The following FAM98A variants were observed in gnomAD, a reference collection of about 807,000 sequenced individuals.
FAM98A encodes the protein protein FAM98A.
In FAM98A, 25 loss-of-function variants were observed where a neutral mutation model predicts 62.9. The observed-to-expected ratio is 0.40, with a 90% CI of 0.29 to 0.56. FAM98A has a LOEUF of 0.56. Ranked by LOEUF, FAM98A falls within the 20% of genes least tolerant of loss-of-function variation. FAM98A has a pLI of 0.51. For missense variants in FAM98A, 653 were observed against 640.7 expected, an observed-to-expected ratio of 1.02 and a Z score of -0.21; for synonymous variants, 252 against 228.6, an observed-to-expected ratio of 1.10 and a Z score of -0.92.
At chr2:33,593,152 C>T (rs1442619451) in intron 2 of FAM98A, among the ~76,000 whole-genome samples, 1 of 152,178 alleles carries the variant, frequency 6.6e-6, no homozygotes, top group Admixed American at 6.5e-5. Context: ...GCCTGTAATT[C>T]CAGCACTTTG....
At chr2:33,589,324 C>T (rs1483097931) in intron 3 of FAM98A, 1 of 152,172 alleles carries the variant, frequency 6.6e-6, no homozygotes, top group Non-Finnish European at 1.5e-5. Context: ...TATTCAATCT[C>T]ATTCCTTTAA....
Position 33,584,944 on chromosome 2 carries a change from C to A in FAM98A, c.1389G>T (p.Gly463=), listed in dbSNP as rs1403653968. ...HHGDRGGGRG[G]RGGRGGRGGR... ...CACCTCGGCCTCCACGACCACCTCG[C>A]CCACCACGACCACCACCACGATCAC... The change falls in exon 8 of 8, where the codon GGG becomes GGT. Residue 463 remains glycine, a synonymous_variant. Transcript: ENST00000238823. 1.2e-6 allele frequency: 2 copies of A among 1,613,680 alleles called. No individual in the cohort carries two copies. Among genetic ancestry groups the A allele is most frequent in the East Asian group, 2.2e-5 (1 of 44,868 alleles).
At chr2:33,585,863 C>G (rs553586327) in intron 6 of FAM98A, among the ~76,000 whole-genome samples, 166 bp from the exon 7 acceptor site, 1 of 152,250 alleles carries the variant, frequency 6.6e-6, no homozygotes, top group East Asian at 1.9e-4. Context: ...TAGTCAAGAA[C>G]TACCTTAAAA....
intron 3 of FAM98A, 128 bp downstream of exon 3, chr2:33,591,952 T>C (rs1447385775): frequency 1.1e-6 from 1 of 912,842 alleles, no homozygotes; most frequent in Non-Finnish European, 1.6e-6. Context: ...TTAAGAAAGT[T>C]TTATTTTAAA....
Position 33,584,871 on chromosome 2 carries a change from A to T in FAM98A, c.1462T>A (p.Tyr488Asn). ...GGWGGRGSQN[Y>N]HQGGQFEQHF... The stretch of plus-strand genomic sequence containing the variant: ...TGTTCAAATTGACCCCCTTGGTGAT[A>T]ATTCTGGCTCCCTCTTCCTCCCCAG... The change falls in exon 8 of 8, where the codon TAT becomes AAT. Residue 488 changes from tyrosine (Y) to asparagine (N), a missense_variant. Tyr to Asn is a moderately radical substitution (Grantham distance 143, BLOSUM62 -2). Transcript: ENST00000238823. 1 of 1,613,968 alleles carries T rather than the reference A, an allele frequency of 6.2e-7. No individual in the cohort carries two copies. Among genetic ancestry groups the T allele is most frequent in the Non-Finnish European group, 8.5e-7 (1 of 1,179,986 alleles).
At chr2:33,588,111 CT>C in intron 4 of FAM98A, 1 of 541,538 alleles carries the variant, frequency 1.8e-6, no homozygotes, top group Non-Finnish European at 3.4e-6. Context: ...GTAAAGTTTC[CT>C]TTTTGAAAAA....
intron 2 of FAM98A, among the ~76,000 whole-genome samples, chr2:33,594,491 T>C (rs1450093322): frequency 4.4e-5 from 6 of 136,842 alleles, no homozygotes; most frequent in Non-Finnish European, 9.1e-5. Context: ...TATCCCTATG[T>C]AACAAACCTG....
rs774927788 is a variant in FAM98A, at chr2:33,585,040, TGAAGAA to T, written c.1287_1292del (p.Ser430_Ser431del). The stretch of plus-strand genomic sequence containing the variant: ...CACCCTGGTATCCACTTCCTGTATA[TGAAGAA>T]GATGTTTGGAAGCCACCATAACCTC... On this transcript the variant is annotated inframe_deletion, in exon 8 of 8. Transcript: ENST00000238823. 2 of 1,613,898 alleles carry T rather than the reference TGAAGAA, an allele frequency of 1.2e-6. No individual in the cohort carries two copies. Among genetic ancestry groups the T allele is most frequent in the Non-Finnish European group, 1.7e-6 (2 of 1,180,008 alleles).
At chr2:33,593,572 CT>C (rs1290723396) in intron 2 of FAM98A, among the ~76,000 whole-genome samples, 1 of 152,184 alleles carries the variant, frequency 6.6e-6, no homozygotes, top group Non-Finnish European at 1.5e-5. Context: ...AAAAACAAAG[CT>C]CTTTCTTCAT....
Position 33,584,819 on chromosome 2 carries a change from T to C in FAM98A, c.1514A>G (p.Tyr505Cys), listed in dbSNP as rs765398183. 7.4e-6 allele frequency: 12 copies of C among 1,613,754 alleles called. No homozygotes were observed. The highest frequency in any genetic ancestry group is 4.0e-5 in the African/African-American group (3 of 75,052). The part of the protein sequence containing the change: ...EQHFQHGGYQ[Y>C]NHSGFGQGRH... ...TCCCTGTCCAAATCCAGAATGATTA[T>C]ACTGATAACCTCCATGCTGGAAATG... The change falls in exon 8 of 8, where the codon TAT (tyrosine) becomes TGT (cysteine). Residue 505 changes from tyrosine to cysteine, a missense_variant. Tyr to Cys is a radical substitution (Grantham distance 194). Transcript: ENST00000238823.
At position 33,584,945 on chromosome 2, in the gene FAM98A, C is replaced by T. The variant is rs755736838; in HGVS notation, c.1388G>A (p.Gly463Glu). ...ACCTCGGCCTCCACGACCACCTCGC[C>T]CACCACGACCACCACCACGATCACC... ...HHGDRGGGRGGRGGRGGRGGR... is the reference protein window; with the variant it reads ...HHGDRGGGRGERGGRGGRGGR... The change falls in exon 8 of 8, where the codon GGG becomes GAG. Residue 463 changes from glycine (G) to glutamate (E), a missense_variant. Gly to Glu is a moderately conservative substitution (Grantham distance 98). Coordinates refer to ENST00000238823, the MANE Select transcript of FAM98A (RefSeq NM_015475.5). 6.8e-6 allele frequency: 11 copies of T among 1,613,852 alleles called. 1 individual carries two copies. In the East Asian group the frequency reaches 2.2e-4, roughly 33 times the overall value.
At chr2:33,586,713 A>T (rs1360421941) in intron 5 of FAM98A, 35 bp from the exon 6 acceptor site, 1 of 1,362,774 alleles carries the variant, frequency 7.3e-7, no homozygotes, top group South Asian at 1.2e-5. Flanking sequence ...TTAGAGTTTA[A>T]ATCTGCTTGA....
chr2:33,594,075 G>C (rs556567284), intron 2 of FAM98A, among the ~76,000 whole-genome samples: 1 of 152,134 alleles, frequency 6.6e-6, no homozygotes, highest in East Asian at 1.9e-4. Flanking sequence ...AAATTCTCTG[G>C]GCTTTCTTGT....
intron 3 of FAM98A, among the ~76,000 whole-genome samples, chr2:33,591,742 T>C (rs908815022): frequency 3.3e-5 from 5 of 152,190 alleles, no homozygotes; most frequent in African/African-American, 9.7e-5. Flanking sequence ...CTTCCTAATA[T>C]ACTTAAAAAT....
intron 1 of FAM98A, 44 bp downstream of exon 1, chr2:33,599,125 C>G (rs1280472833): frequency 5.2e-6 from 8 of 1,550,348 alleles, no homozygotes; most frequent in Non-Finnish European, 7.1e-6. Flanking sequence ...TCCCAGGGGG[C>G]CGGCAGCGTG....
intron 1 of FAM98A, among the ~76,000 whole-genome samples, chr2:33,597,225 G>A (rs1677832918): frequency 6.6e-6 from 1 of 152,128 alleles, no homozygotes; most frequent in Admixed American, 6.5e-5. Flanking sequence ...CAGGATCAGT[G>A]GCATACACCT....
intron 7 of FAM98A, 41 bp downstream of exon 7, chr2:33,585,488 GA>G: frequency 6.2e-7 from 1 of 1,613,262 alleles, no homozygotes; most frequent in Non-Finnish European, 8.5e-7. Context: ...TTTATGAACA[GA>G]AATAAATGCA....
chr2:33,586,795 A>G, intron 5 of FAM98A, 117 bp from the exon 6 acceptor site: 7 of 659,760 alleles, frequency 1.1e-5, no homozygotes, highest in Non-Finnish European at 1.9e-5. Context: ...TTAACAGTCA[A>G]AAGTTCTTAT....
intron 3 of FAM98A, 155 bp downstream of exon 3, chr2:33,591,925 G>T: frequency 1.6e-6 from 1 of 639,374 alleles, no homozygotes; most frequent in Non-Finnish European, 2.6e-6. Context: ...TCTACCCTCA[G>T]CTCCTAAATT....
Sources: gnomAD v4.1 joint callset for allele counts (sites outside exome capture counted in the v4.1 genomes callset) on GRCh38, gnomAD v4.1.1 for gene constraint, MANE v1.5 for transcripts, NCBI Gene and HGNC (gene_info 2026-07-23, HGNC 2026-07-21) for gene names.